Variants in BMERB1 observed in about 807,000 individuals in gnomAD.
BMERB1 encodes the protein bMERB domain-containing protein 1.
A neutral mutation model predicts 23.6 loss-of-function variants in BMERB1; 12 were observed. The observed-to-expected ratio is 0.51, with a 90% CI of 0.33 to 0.82. The LOEUF is 0.82. Ranked by LOEUF, BMERB1 falls within the 40% of genes least tolerant of loss-of-function variation. BMERB1 has a pLI of 0.03. For synonymous variants in BMERB1, 122 were observed against 96.6 expected, an observed-to-expected ratio of 1.26 and a Z score of -1.54; for missense variants, 247 against 255.4, an observed-to-expected ratio of 0.97 and a Z score of 0.22.
In BMERB1 at chr16:15,587,514, C is replaced by T. The variant is rs1231538934; in HGVS notation, c.*685C>T. 9 of 448,176 alleles carry T rather than the reference C, an allele frequency of 2.0e-5. No individual in the cohort carries two copies. The highest frequency in any genetic ancestry group is 1.9e-4 in the Admixed American group (8 of 41,786). The allele number at this position is 448,176 out of a possible 1,614,324, so 27.8% of individuals were successfully genotyped here. On this transcript the variant is annotated 3_prime_UTR_variant, in exon 6 of 6. Transcript: ENST00000300006. ...CTCTCAGTCTGCCTCAGGTGTGTGC[C>T]TGGAGGGGGCCTGGACTGGCATGGA...
Position 15,581,076 on chromosome 16 carries a change from G to T in BMERB1, c.305-141G>T, listed in dbSNP as rs2031002510. ...TTCCAGGTGTGTGCCACCACGCCTG[G>T]CTAATTTTTGTATTTTTGGTAGAGA... On this transcript the variant is annotated intron_variant, in intron 3 of 5. Transcript: ENST00000300006. The T allele has an allele frequency of 5.0e-6, 3 of 599,468 alleles. No homozygotes were observed. In the Admixed American group the frequency reaches 9.1e-5, roughly 18 times the overall value. The allele number at this position is 599,468 out of a possible 1,614,324, so 37.1% of individuals were successfully genotyped here.
intron 1 of BMERB1, among the ~76,000 whole-genome samples, chr16:15,458,224 C>G (rs2051101674): frequency 1.3e-5 from 2 of 152,274 alleles, no homozygotes; most frequent in South Asian, 4.1e-4. Flanking sequence ...CTTTACACAT[C>G]CTCTGTAAAT....
At chr16:15,481,820 G>C (rs1022806731) in intron 1 of BMERB1, among the ~76,000 whole-genome samples, 16 of 151,252 alleles carry the variant, frequency 1.1e-4, no homozygotes, top group African/African-American at 3.6e-4. Context: ...CACCTCCCAG[G>C]TTCAAGCAAC....
At chr16:15,544,797 C>G (rs1174695508) in intron 2 of BMERB1, among the ~76,000 whole-genome samples, 1 of 152,122 alleles carries the variant, frequency 6.6e-6, no homozygotes, top group African/African-American at 2.4e-5. Flanking sequence ...TGCTAGTTCT[C>G]CATCAATCAC....
At chr16:15,508,524 C>G (rs1339508147) in intron 1 of BMERB1, among the ~76,000 whole-genome samples, 2 of 152,070 alleles carry the variant, frequency 1.3e-5, no homozygotes, top group South Asian at 2.1e-4. Flanking sequence ...AACCCCTGGC[C>G]TAAGGTATTG....
chr16:15,502,493 A>T, intron 1 of BMERB1: 1 of 890,388 alleles, frequency 1.1e-6, no homozygotes, highest in East Asian at 2.6e-5. Flanking sequence ...GGAAACGGTG[A>T]CTCATTAAAA....
At chr16:15,565,003 G>A (rs775610441) in intron 2 of BMERB1, among the ~76,000 whole-genome samples, 6 of 151,328 alleles carry the variant, frequency 4.0e-5, no homozygotes, top group Middle Eastern at 3.4e-3. Flanking sequence ...TTACTTTATC[G>A]TAAATACTGG....
At chr16:15,566,722 T>C (rs1268842886) in intron 2 of BMERB1, among the ~76,000 whole-genome samples, 1 of 152,100 alleles carries the variant, frequency 6.6e-6, no homozygotes, top group Non-Finnish European at 1.5e-5. Flanking sequence ...TATATCAATA[T>C]AATGGTATAC....
At chr16:15,583,407 G>GT (rs1355548555) in intron 5 of BMERB1, among the ~76,000 whole-genome samples, 169 bp downstream of exon 5, 1 of 151,786 alleles carries the variant, frequency 6.6e-6, no homozygotes, top group Non-Finnish European at 1.5e-5. Context: ...GTGAAACCCC[G>GT]TATCTACCAA....
At chr16:15,462,353 T>C (rs1048078265) in intron 1 of BMERB1, among the ~76,000 whole-genome samples, 17 of 151,750 alleles carry the variant, frequency 1.1e-4, no homozygotes, top group African/African-American at 3.1e-4. Context: ...AGGGTTTCAC[T>C]ATGTTGGCCA....
intron 1 of BMERB1, among the ~76,000 whole-genome samples, chr16:15,479,081 C>T (rs1234411518): frequency 6.6e-6 from 1 of 152,140 alleles, no homozygotes; most frequent in Non-Finnish European, 1.5e-5. Flanking sequence ...GACATTCTCT[C>T]AAAAATGAGT....
At chr16:15,567,597 T>A (rs1164228480) in intron 2 of BMERB1, among the ~76,000 whole-genome samples, 1 of 151,916 alleles carries the variant, frequency 6.6e-6, no homozygotes, top group East Asian at 1.9e-4. Context: ...AAAATACTAC[T>A]AAAAATACAA....
At chr16:15,527,434 G>C (rs950004441) in intron 2 of BMERB1, among the ~76,000 whole-genome samples, 1 of 152,088 alleles carries the variant, frequency 6.6e-6, no homozygotes, top group African/African-American at 2.4e-5. Context: ...GTGAAACTCT[G>C]TCTCTACTAA....
At chr16:15,552,408 C>T (rs2030117830) in intron 2 of BMERB1, among the ~76,000 whole-genome samples, 2 of 151,904 alleles carry the variant, frequency 1.3e-5, no homozygotes, top group South Asian at 4.2e-4. Context: ...CCACTGCACT[C>T]CGGCCTGGGC....
intron 1 of BMERB1, among the ~76,000 whole-genome samples, chr16:15,509,743 CATT>C (rs149036777): frequency 0.017 from 2,531 of 152,244 alleles, 71 homozygotes; most frequent in African/African-American, 0.058. Flanking sequence ...GAGAGAGTGA[CATT>C]GTTGTCAGGA....
intron 1 of BMERB1, among the ~76,000 whole-genome samples, chr16:15,503,630 C>G (rs565890780): frequency 8.9e-4 from 136 of 152,118 alleles, no homozygotes; most frequent in African/African-American, 3.1e-3. Flanking sequence ...CAAAGGGAGG[C>G]CTGGAACCAA....
At chr16:15,545,181 C>T (rs1048066744) in intron 2 of BMERB1, among the ~76,000 whole-genome samples, 3 of 152,224 alleles carry the variant, frequency 2.0e-5, no homozygotes, top group South Asian at 2.1e-4. Context: ...CCATGTTGGC[C>T]AGGCTGGTCT....
chr16:15,461,632 A>C (rs1420612733), intron 1 of BMERB1, among the ~76,000 whole-genome samples: 1 of 152,118 alleles, frequency 6.6e-6, no homozygotes, highest in Non-Finnish European at 1.5e-5. Flanking sequence ...CAGTAAAAAT[A>C]CTAGATGTGG....
At chr16:15,495,310 C>A (rs1227598365) in intron 1 of BMERB1, among the ~76,000 whole-genome samples, 1 of 152,190 alleles carries the variant, frequency 6.6e-6, no homozygotes, top group Non-Finnish European at 1.5e-5. Flanking sequence ...ATTCTCCTGC[C>A]TCAGCCTCCC....
Sources: allele counts gnomAD v4.1 joint callset (sites outside exome capture counted in the v4.1 genomes callset), GRCh38; gene constraint gnomAD v4.1.1; transcripts MANE v1.5; gene names NCBI Gene and HGNC (gene_info 2026-07-23, HGNC 2026-07-21).